The following PLXDC2 variants were observed in gnomAD, a reference collection of about 807,000 sequenced individuals.
The protein encoded by PLXDC2 is plexin domain containing 2, also known as plexin domain-containing protein 2.
A neutral mutation model predicts 68.9 loss-of-function variants in PLXDC2; 40 were observed. The observed-to-expected ratio is 0.58, with a 90% CI of 0.45 to 0.76. The LOEUF is 0.76. PLXDC2 is among the 30% of genes least tolerant of loss of function. PLXDC2 has a pLI of 0.00. For missense variants in PLXDC2, 644 were observed against 661.9 expected (o/e 0.97, Z 0.30); for synonymous variants, 243 against 234.2 (o/e 1.04, Z -0.34).
intron 4 of PLXDC2, among the ~76,000 whole-genome samples, chr10:20,129,886 A>G (rs1833845127): frequency 6.6e-6 from 1 of 152,224 alleles, no homozygotes; most frequent in Middle Eastern, 3.4e-3. Context: ...TTTTCATTCC[A>G]GAACCATTCT....
chr10:20,135,701 T>C (rs1833924753), intron 4 of PLXDC2, among the ~76,000 whole-genome samples: 1 of 152,208 alleles, frequency 6.6e-6, no homozygotes, highest in Non-Finnish European at 1.5e-5. Context: ...TTGGTAATTT[T>C]ATGAACATAA....
In PLXDC2 at chr10:20,001,882, G is replaced by A. The variant is rs765475059; in HGVS notation, c.220G>A (p.Ala74Thr). ...RWKRNLDFLK[A>T]VDTNRASVGQ... ...GAAAAGAAACTTGGACTTTCTCAAG[G>A]CGGTAGACACGAACCGAGCAAGCGT... Residue 74 changes from alanine (A) to threonine (T), a missense_variant, in exon 2 of 14, where the codon GCG becomes ACG. Coordinates refer to ENST00000377252, the MANE Select transcript of PLXDC2 (RefSeq NM_032812.9). 27 of 1,613,932 alleles carry A rather than the reference G, an allele frequency of 1.7e-5. No individual in the cohort carries two copies. The highest frequency in any genetic ancestry group is 1.9e-5 in the Non-Finnish European group (23 of 1,179,980).
chr10:20,212,583 A>G (rs2131858685), intron 10 of PLXDC2, among the ~76,000 whole-genome samples: 1 of 152,310 alleles, frequency 6.6e-6, no homozygotes, highest in East Asian at 1.9e-4. Flanking sequence ...AACAATTACA[A>G]AAGTTTAGCA....
intron 2 of PLXDC2, among the ~76,000 whole-genome samples, chr10:20,013,749 A>G (rs1366403041): frequency 6.6e-6 from 1 of 152,232 alleles, no homozygotes; most frequent in Non-Finnish European, 1.5e-5. Context: ...CTGTTATCTT[A>G]AAAACCAGGT....
intron 1 of PLXDC2, among the ~76,000 whole-genome samples, chr10:19,906,356 G>A (rs555123829): frequency 6.6e-6 from 1 of 152,144 alleles, no homozygotes; most frequent in Admixed American, 6.5e-5. Context: ...GAAGCACCAG[G>A]GTCAGTCAGG....
intron 2 of PLXDC2, among the ~76,000 whole-genome samples, chr10:20,046,605 A>T (rs7086262): frequency 0.11 from 16,259 of 152,118 alleles, 1,012 homozygotes; most frequent in South Asian, 0.3. Context: ...TAGCACTTAG[A>T]TAATAAATGA....
intron 3 of PLXDC2, among the ~76,000 whole-genome samples, chr10:20,050,092 C>T (rs1045152394): frequency 6.6e-6 from 1 of 152,022 alleles, no homozygotes; most frequent in Non-Finnish European, 1.5e-5. Context: ...ACAAACCTGA[C>T]AAAAACAAGC....
At chr10:20,063,689 C>T (rs1370932856) in intron 3 of PLXDC2, among the ~76,000 whole-genome samples, 1 of 152,112 alleles carries the variant, frequency 6.6e-6, no homozygotes, top group African/African-American at 2.4e-5. Flanking sequence ...TAGGCACACT[C>T]AGAAATCTAG....
chr10:20,056,632 CATTGATCCAT>C (rs1221851341), intron 3 of PLXDC2, among the ~76,000 whole-genome samples: 1 of 152,160 alleles, frequency 6.6e-6, no homozygotes, highest in East Asian at 1.9e-4. Context: ...AAGAAATTCA[CATTGATCCAT>C]TTCTTTTGCA....
At chr10:20,185,160 G>GAAAAAAA (rs11307851) in intron 9 of PLXDC2, among the ~76,000 whole-genome samples, 5 of 55,988 alleles carry the variant, frequency 8.9e-5, no homozygotes, top group Non-Finnish European at 1.3e-4. Context: ...GAACTGAAAG[G>GAAAAAAA]AAAAAAAAAA....
intron 12 of PLXDC2, among the ~76,000 whole-genome samples, chr10:20,244,262 A>G (rs2119332025): frequency 6.6e-6 from 1 of 152,308 alleles, no homozygotes; most frequent in East Asian, 1.9e-4. Context: ...AGTAATCATC[A>G]GTGATTACAG....
chr10:19,956,273 CA>C (rs371117107), intron 1 of PLXDC2, among the ~76,000 whole-genome samples: 1 of 152,016 alleles, frequency 6.6e-6, no homozygotes, highest in Non-Finnish European at 1.5e-5. Flanking sequence ...CTCTCAGGTG[CA>C]GGGGGGTGTC....
intron 12 of PLXDC2, among the ~76,000 whole-genome samples, chr10:20,223,444 C>A (rs1049583680): frequency 6.6e-6 from 1 of 151,778 alleles, no homozygotes. Flanking sequence ...TCCCGAGTAG[C>A]TGGGACTACA....
chr10:20,127,316 G>T (rs1253083388), intron 4 of PLXDC2, among the ~76,000 whole-genome samples: 2 of 152,302 alleles, frequency 1.3e-5, no homozygotes, highest in African/African-American at 2.4e-5. Context: ...TCAGAGATGA[G>T]ATCTTTGTCT....
chr10:20,214,753 A>G (rs138490352), intron 10 of PLXDC2, among the ~76,000 whole-genome samples: 1 of 152,288 alleles, frequency 6.6e-6, no homozygotes, highest in Non-Finnish European at 1.5e-5. Context: ...TGCCAAAAGC[A>G]ATCTGAGCCT....
chr10:20,073,419 G>T (rs914625158), intron 4 of PLXDC2, among the ~76,000 whole-genome samples: 3 of 152,128 alleles, frequency 2.0e-5, no homozygotes, highest in Non-Finnish European at 4.4e-5. Context: ...CATATACATC[G>T]TTCCACAGCC....
At chr10:19,946,646 G>A (rs1369450650) in intron 1 of PLXDC2, among the ~76,000 whole-genome samples, 1 of 151,926 alleles carries the variant, frequency 6.6e-6, no homozygotes, top group Admixed American at 6.6e-5. Flanking sequence ...TGGACGGGGC[G>A]AGGGAGGGAT....
chr10:20,279,907 C>A lies in PLXDC2; in HGVS notation c.*88C>A. 1 of 933,384 alleles carries A rather than the reference C, an allele frequency of 1.1e-6. No homozygotes were observed. The highest frequency in any genetic ancestry group is 1.7e-6 in the Non-Finnish European group (1 of 580,870). 57.8% of individuals were successfully genotyped at this position (933,384 alleles called of 1,614,324 possible). On this transcript the variant is annotated 3_prime_UTR_variant, in exon 14 of 14. Coordinates refer to ENST00000377252, the MANE Select transcript of PLXDC2 (RefSeq NM_032812.9). ...TACCTTTAAGACAAACAAACAAACA[C>A]ACACACAAACAAGCTCTAAGCTGCT... is the stretch of plus-strand genomic sequence containing the variant.
chr10:20,140,244 A>C (rs556575484), intron 4 of PLXDC2, among the ~76,000 whole-genome samples: 2 of 152,254 alleles, frequency 1.3e-5, no homozygotes, highest in East Asian at 3.9e-4. Context: ...TCTTGCAGTG[A>C]GCAGAGATCG....
Sources: gnomAD v4.1 joint callset for allele counts (sites outside exome capture counted in the v4.1 genomes callset) on GRCh38, gnomAD v4.1.1 for gene constraint, MANE v1.5 for transcripts, NCBI Gene and HGNC (gene_info 2026-07-23, HGNC 2026-07-21) for gene names.